The following IL34 variants were observed in gnomAD, a reference collection of about 807,000 sequenced individuals.
IL34 encodes the protein interleukin 34.
A neutral mutation model predicts 25.3 loss-of-function variants in IL34; 17 were observed. That is an observed-to-expected ratio of 0.67 (90% confidence interval 0.46 to 1.01). The LOEUF (loss-of-function observed/expected upper bound fraction) is 1.01, where lower values mean the gene tolerates loss of function less well. Among genes scored for constraint, IL34 ranks in the 50% least tolerant of loss-of-function variants. The pLI is 0.00. For synonymous variants in IL34, 174 were observed against 140.9 expected (o/e 1.23, Z -1.66); for missense variants, 368 against 312.9 (o/e 1.18, Z -1.33).
At chr16:70,618,839 T>C (rs180863915) in intron 1 of IL34, among the ~76,000 whole-genome samples, 45 of 152,282 alleles carry the variant, frequency 3.0e-4, no homozygotes, top group Admixed American at 5.2e-4. Context: ...TGTGAAGCTT[T>C]GCAGCAGTAC....
intron 3 of IL34, 83 bp from the exon 4 acceptor site, chr16:70,656,877 C>G: frequency 6.8e-7 from 1 of 1,462,952 alleles, no homozygotes. Flanking sequence ...GCTCCCTATG[C>G]AGGGGCAAGT....
upstream of IL34, among the ~76,000 whole-genome samples, chr16:70,644,973 A>C (rs2051886992): frequency 7.8e-6 from 1 of 128,520 alleles, no homozygotes; most frequent in Non-Finnish European, 1.6e-5. Flanking sequence ...AAGGAGGAAG[A>C]GAAAGGGAGT....
intron 1 of IL34, among the ~76,000 whole-genome samples, chr16:70,634,731 A>G (rs1279382896): frequency 6.6e-6 from 1 of 151,872 alleles, no homozygotes; most frequent in East Asian, 1.9e-4. Flanking sequence ...TTCCAGTCAG[A>G]TCCTTACCAC....
At chr16:70,618,628 C>T (rs2051212563) in intron 1 of IL34, among the ~76,000 whole-genome samples, 2 of 152,160 alleles carry the variant, frequency 1.3e-5, no homozygotes, top group South Asian at 4.1e-4. Flanking sequence ...AGAAAGGTTA[C>T]AGGGTGTGGT....
chr16:70,628,204 T>C (rs111660073), intron 1 of IL34, among the ~76,000 whole-genome samples: 2,273 of 152,338 alleles, frequency 0.015, 38 homozygotes, highest in African/African-American at 0.031. Flanking sequence ...CATTTAAATA[T>C]ACTGTCTTGT....
chr16:70,639,956 T>TC (rs2051742913), intron 1 of IL34, among the ~76,000 whole-genome samples: 1 of 151,020 alleles, frequency 6.6e-6, no homozygotes, highest in South Asian at 2.1e-4. Context: ...AGACCCTGTC[T>TC]CCGAAAAAAA....
intron 1 of IL34, among the ~76,000 whole-genome samples, chr16:70,592,217 G>A (rs190561224): frequency 6.6e-6 from 1 of 152,228 alleles, no homozygotes; most frequent in East Asian, 1.9e-4. Flanking sequence ...CCCGGCTGAG[G>A]CTGGGCTGGG....
Position 70,652,887 on chromosome 16 carries a change from G to A in IL34, c.29-1651G>A, listed in dbSNP as rs578253311. Among the ~76,000 whole-genome samples the A allele has an allele frequency of 1.1e-4, 17 of 152,262 alleles. No homozygotes were observed. The East Asian group carries it at 3.1e-3, about 28-fold the overall frequency. On this transcript the variant is annotated intron_variant, in intron 1 of 5. Coordinates refer to ENST00000288098, the MANE Select transcript of IL34 (RefSeq NM_001393494.1). ...TGTCTCACTACTTGGCCAACATCAA[G>A]TAGTAATTGTTAAAACGAAATGAGC...
At chr16:70,651,021 C>T (rs1483429909) in intron 1 of IL34, among the ~76,000 whole-genome samples, 1 of 152,110 alleles carries the variant, frequency 6.6e-6, no homozygotes, top group Non-Finnish European at 1.5e-5. Flanking sequence ...CCAGCCTGGC[C>T]AACCTGGTGA....
chr16:70,619,986 G>C (rs2051246567), intron 1 of IL34, among the ~76,000 whole-genome samples: 1 of 152,004 alleles, frequency 6.6e-6, no homozygotes, highest in Non-Finnish European at 1.5e-5. Context: ...TCAGGAGTTT[G>C]GAAGTTCTTG....
Position 70,599,361 on chromosome 16 carries a change from CTCTT to C in IL34, c.-401+19325_-401+19328del, listed in dbSNP as rs907558278. ...TCTTTCTCTCTTTCTTTCTCTCTTT[CTCTT>C]TCTTTCTTTCTTCTTTCTCTCTCTC... On this transcript the variant is annotated intron_variant, in intron 1 of 6. Coordinates refer to the IL34 transcript ENST00000429149. Among the ~76,000 whole-genome samples the C allele has an allele frequency of 2.7e-4, 27 of 98,756 alleles. No individual in the cohort carries two copies. In the East Asian group the frequency reaches 3.9e-3, roughly 14 times the overall value. 64.8% of individuals were successfully genotyped at this position (98,756 alleles called of 152,430 possible).
chr16:70,646,183 T>C (rs575458631), upstream of IL34, among the ~76,000 whole-genome samples: 37 of 152,280 alleles, frequency 2.4e-4, no homozygotes, highest in African/African-American at 8.2e-4. Flanking sequence ...GTGCTGGGAT[T>C]ACAAGCATGA....
intron 1 of IL34, among the ~76,000 whole-genome samples, chr16:70,621,739 T>C (rs112117580): frequency 6.6e-6 from 1 of 151,602 alleles, no homozygotes; most frequent in African/African-American, 2.4e-5. Context: ...GGTGGGGCCG[T>C]TTTATAGGAT....
intron 1 of IL34, among the ~76,000 whole-genome samples, chr16:70,610,204 A>G (rs540789848): frequency 1.2e-3 from 155 of 126,528 alleles, no homozygotes; most frequent in South Asian, 3.9e-3. Flanking sequence ...TCTATCTCAG[A>G]AAAAAAAAAA....
rs575041676 is a variant in IL34, at chr16:70,660,315, T to C, written c.*128T>C. On this transcript the variant is annotated 3_prime_UTR_variant, in exon 6 of 6. Transcript: ENST00000288098. ...GAGAGGACCCCTGGGAAGGGTGTTT[T>C]TCCTTTGAGGGGGATTCTGTGCCAC... is the stretch of plus-strand genomic sequence containing the variant. The C allele has an allele frequency of 1.2e-6, 1 of 838,264 alleles. No individual in the cohort carries two copies. Among genetic ancestry groups the C allele is most frequent in the Admixed American group, 3.4e-5 (1 of 29,516 alleles). The allele number at this position is 838,264 out of a possible 1,614,324, so 51.9% of individuals were successfully genotyped here. A position where few individuals can be genotyped will look rare whatever the true frequency, so the allele number is the denominator to read the frequency against.
intron 1 of IL34, among the ~76,000 whole-genome samples, chr16:70,650,000 T>C (rs536379143): frequency 6.6e-6 from 1 of 152,284 alleles, no homozygotes; most frequent in East Asian, 1.9e-4. Flanking sequence ...GGTTTCACCA[T>C]GTTGGCCAGA....
intron 1 of IL34, among the ~76,000 whole-genome samples, chr16:70,640,010 G>A (rs1013019978): frequency 1.3e-5 from 2 of 152,018 alleles, no homozygotes; most frequent in Admixed American, 1.3e-4. Context: ...TCTGCAATCA[G>A]GAAACTCTAG....
intron 1 of IL34, among the ~76,000 whole-genome samples, chr16:70,653,252 C>A (rs936223925): frequency 6.6e-6 from 1 of 151,738 alleles, no homozygotes; most frequent in African/African-American, 2.4e-5. Context: ...GTGGCACATG[C>A]CTCTCATCCC....
intron 1 of IL34, among the ~76,000 whole-genome samples, chr16:70,622,990 T>C (rs552193889): frequency 6.6e-6 from 1 of 152,120 alleles, no homozygotes; most frequent in South Asian, 2.1e-4. Flanking sequence ...ACACTAACCA[T>C]ACCTAGGAAG....
Sources: allele counts gnomAD v4.1 joint callset (sites outside exome capture counted in the v4.1 genomes callset), GRCh38; gene constraint gnomAD v4.1.1; transcripts MANE v1.5; gene names NCBI Gene and HGNC (gene_info 2026-07-23, HGNC 2026-07-21).